LOC400499: variants seen among roughly 807,000 people sequenced by gnomAD.
At chr16:11,496,178 T>A in the LOC400499 span, among the ~76,000 whole-genome samples, 2 of 151,972 alleles carry the variant, frequency 1.3e-5, no homozygotes, top group Non-Finnish European at 2.9e-5. Context: ...GTGATTCTCC[T>A]GCCTCATCTT....
the LOC400499 span, among the ~76,000 whole-genome samples, chr16:11,374,824 C>T: frequency 2.0e-5 from 3 of 152,118 alleles, no homozygotes; most frequent in Admixed American, 2.0e-4. Flanking sequence ...GGGATCCATA[C>T]CCAGAAGTAG....
At chr16:11,382,161 C>A in the LOC400499 span, among the ~76,000 whole-genome samples, 62 of 152,182 alleles carry the variant, frequency 4.1e-4, no homozygotes, top group African/African-American at 1.4e-3. Flanking sequence ...TGGTCTCAAA[C>A]TCCTGACCTC....
At chr16:11,450,703 A>G in the LOC400499 span, 1 of 1,536,174 alleles carries the variant, frequency 6.5e-7, no homozygotes, top group African/African-American at 1.4e-5. Flanking sequence ...CAGGTCCTTT[A>G]GGGTCCAGGC....
the LOC400499 span, among the ~76,000 whole-genome samples, chr16:11,407,941 T>C: frequency 6.8e-6 from 1 of 146,960 alleles, no homozygotes; most frequent in African/African-American, 2.5e-5. Context: ...CCTACAAAAA[T>C]GGAGTCTCTG....
chr16:11,395,088 G>C, the LOC400499 span, among the ~76,000 whole-genome samples: 1 of 152,352 alleles, frequency 6.6e-6, no homozygotes, highest in Non-Finnish European at 1.5e-5. Context: ...TGCCAGGCAG[G>C]TGGGGGCAGG....
chr16:11,450,879 G>A, the LOC400499 span: 2 of 1,448,826 alleles, frequency 1.4e-6, no homozygotes, highest in Non-Finnish European at 1.9e-6. Context: ...CTTCTAGCAG[G>A]CAGCTGGAGG....
At chr16:11,393,577 G>A in the LOC400499 span, 2 of 1,232,386 alleles carry the variant, frequency 1.6e-6, no homozygotes, top group Non-Finnish European at 2.0e-6. Flanking sequence ...GGGGAAGGCA[G>A]AGGCCTGAGT....
the LOC400499 span, among the ~76,000 whole-genome samples, chr16:11,484,284 G>A: frequency 6.6e-6 from 1 of 152,100 alleles, no homozygotes; most frequent in African/African-American, 2.4e-5. Flanking sequence ...TGGGATTACA[G>A]GCGTGAGCCA....
the LOC400499 span, chr16:11,488,905 G>A: frequency 5.0e-6 from 2 of 398,612 alleles, no homozygotes; most frequent in Non-Finnish European, 8.8e-6. Flanking sequence ...GGGGCCGTGA[G>A]GAAAGGGCCA....
chr16:11,453,452 G>A, the LOC400499 span, among the ~76,000 whole-genome samples: 95,279 of 151,908 alleles, frequency 0.63, 32,295 homozygotes, highest in Non-Finnish European at 0.79. Context: ...AGGAAACTCC[G>A]AGGCAACAGA....
chr16:11,415,327 G>T, the LOC400499 span, among the ~76,000 whole-genome samples: 2 of 152,318 alleles, frequency 1.3e-5, no homozygotes, highest in South Asian at 4.1e-4. Flanking sequence ...CCAGGTTCCC[G>T]TGGGGTGCAG....
At chr16:11,505,280 C>T in the LOC400499 span, among the ~76,000 whole-genome samples, 9 of 151,960 alleles carry the variant, frequency 5.9e-5, no homozygotes, top group East Asian at 1.9e-4. Context: ...CACCTTAGCA[C>T]GTCATGTCAT....
chr16:11,504,477 C>A, the LOC400499 span, among the ~76,000 whole-genome samples: 13 of 152,112 alleles, frequency 8.5e-5, no homozygotes, highest in African/African-American at 3.1e-4. Flanking sequence ...ATCACTTGAA[C>A]CAGGAGGTGG....
the LOC400499 span, among the ~76,000 whole-genome samples, chr16:11,460,810 T>C: frequency 1.3e-5 from 2 of 152,228 alleles, no homozygotes; most frequent in Non-Finnish European, 2.9e-5. Context: ...CACTTTTTAA[T>C]GGGCAGGTAT....
At chr16:11,430,897 C>A in the LOC400499 span, 1 of 396,970 alleles carries the variant, frequency 2.5e-6, no homozygotes, top group Non-Finnish European at 4.4e-6. Context: ...TCATCCATAC[C>A]CCTTTATCTA....
the LOC400499 span, among the ~76,000 whole-genome samples, chr16:11,400,521 A>G: frequency 1.3e-5 from 2 of 149,324 alleles, no homozygotes; most frequent in African/African-American, 4.9e-5. Context: ...GCTCACTGCA[A>G]CCTCCACCTC....
the LOC400499 span, chr16:11,387,352 C>G: frequency 8.2e-7 from 1 of 1,216,908 alleles, no homozygotes. Flanking sequence ...CTTCCCTTGG[C>G]TGCAGAGGGG....
At chr16:11,461,712 G>A in the LOC400499 span, among the ~76,000 whole-genome samples, 1 of 152,098 alleles carries the variant, frequency 6.6e-6, no homozygotes, top group African/African-American at 2.4e-5. Context: ...CACAGCCACT[G>A]CTCCAAGTAC....
chr16:11,383,881 C>T, the LOC400499 span: 2 of 1,232,090 alleles, frequency 1.6e-6, no homozygotes, highest in African/African-American at 3.1e-5. Context: ...CAGGCTCACA[C>T]TCACCACCCG....
Sources: gnomAD v4.1 joint callset for allele counts (sites outside exome capture counted in the v4.1 genomes callset) on GRCh38, gnomAD v4.1.1 for gene constraint, MANE v1.5 for transcripts.